The following PCDHGA10 variants were observed in gnomAD, a reference collection of about 807,000 sequenced individuals.
The protein encoded by PCDHGA10 is protocadherin gamma-A10.
A neutral mutation model predicts 59.5 loss-of-function variants in PCDHGA10; 42 were observed. The observed-to-expected ratio is 0.71, with a 90% CI of 0.55 to 0.91. The LOEUF (loss-of-function observed/expected upper bound fraction) is 0.91. PCDHGA10 is among the 40% of genes least tolerant of loss of function. The pLI, the probability that PCDHGA10 is intolerant of heterozygous loss-of-function variation, is 0.00. For missense variants in PCDHGA10, 1,111 were observed against 1,198.2 expected, an observed-to-expected ratio of 0.93 and a Z score of 1.07; for synonymous variants, 511 against 517.2, an observed-to-expected ratio of 0.99 and a Z score of 0.16.
At chr5:141,456,051 C>T (rs1592410743) in intron 1 of PCDHGA10, among the ~76,000 whole-genome samples, 1 of 151,998 alleles carries the variant, frequency 6.6e-6, no homozygotes, top group Non-Finnish European at 1.5e-5. Context: ...GCGCCCACCA[C>T]CACGTCCGGC....
intron 1 of PCDHGA10, among the ~76,000 whole-genome samples, chr5:141,450,485 T>A (rs1382219564): frequency 6.6e-6 from 1 of 152,160 alleles, no homozygotes; most frequent in Non-Finnish European, 1.5e-5. Flanking sequence ...GTTTGTTTGT[T>A]TGTCTGTTTG....
chr5:141,469,517 G>A (rs1416478511), intron 1 of PCDHGA10, among the ~76,000 whole-genome samples: 1 of 152,198 alleles, frequency 6.6e-6, no homozygotes, highest in Non-Finnish European at 1.5e-5. Flanking sequence ...GGAGGTTGCA[G>A]TGAGCCAAGA....
intron 1 of PCDHGA10, among the ~76,000 whole-genome samples, chr5:141,453,710 A>C (rs988115758): frequency 3.9e-5 from 6 of 152,242 alleles, no homozygotes; most frequent in African/African-American, 1.4e-4. Context: ...GAACAGTTTC[A>C]CTATAAAAAT....
At chr5:141,481,838 T>G (rs1297962011) in intron 1 of PCDHGA10, among the ~76,000 whole-genome samples, 2 of 150,868 alleles carry the variant, frequency 1.3e-5, no homozygotes, top group African/African-American at 4.9e-5. Flanking sequence ...GGAGAATCGC[T>G]TGATGGTGGA....
At chr5:141,469,126 A>T (rs2099191838) in intron 1 of PCDHGA10, among the ~76,000 whole-genome samples, 1 of 151,470 alleles carries the variant, frequency 6.6e-6, no homozygotes, top group African/African-American at 2.4e-5. Context: ...AAATTTAAAA[A>T]TTAGCCAGAA....
intron 1 of PCDHGA10, chr5:141,433,047 C>G: frequency 1.9e-6 from 3 of 1,614,164 alleles, no homozygotes; most frequent in Non-Finnish European, 2.5e-6. Context: ...ACCACGGACT[C>G]GCGGAAGAGT....
Position 141,431,706 on chromosome 5 carries a change from A to T in PCDHGA10, c.2436+16095A>T. The T allele has an allele frequency of 6.2e-7, 1 of 1,614,248 alleles. No homozygotes were observed. The highest frequency in any genetic ancestry group is 8.5e-7 in the Non-Finnish European group (1 of 1,180,048). On this transcript the variant is annotated intron_variant, in intron 1 of 3. Coordinates refer to ENST00000398610, the MANE Select transcript of PCDHGA10 (RefSeq NM_018913.3). The surrounding 1 kb of genome is among the most constrained non-coding windows in gnomAD (Gnocchi z 4.8). ...GACCACGAGGAGTCAGGATTCTACC[A>T]GATGGAAGTGCAAGCAATGGATAAT...
chr5:141,438,623 TATATATATATATACACAC>T (rs1435936123), intron 1 of PCDHGA10, among the ~76,000 whole-genome samples: 532 of 42,826 alleles, frequency 0.012, 5 homozygotes, highest in African/African-American at 0.075. Flanking sequence ...TATATATATA[TATATATATATATACACAC>T]ACACACACAC....
intron 1 of PCDHGA10, among the ~76,000 whole-genome samples, chr5:141,459,324 T>G (rs2098966238): frequency 6.6e-6 from 1 of 152,226 alleles, no homozygotes; most frequent in African/African-American, 2.4e-5. Flanking sequence ...ATCCATCTTC[T>G]TTTACTCCAA....
intron 1 of PCDHGA10, among the ~76,000 whole-genome samples, chr5:141,466,121 CA>C (rs908379481): frequency 4.8e-5 from 7 of 146,852 alleles, no homozygotes; most frequent in Non-Finnish European, 6.0e-5. Context: ...GACTCCAGCT[CA>C]AAAAAAAAAT....
intron 1 of PCDHGA10, among the ~76,000 whole-genome samples, chr5:141,451,387 T>C (rs1039738460): frequency 6.6e-6 from 1 of 152,116 alleles, no homozygotes; most frequent in African/African-American, 2.4e-5. Flanking sequence ...TCTCACATAG[T>C]TAATGGCAAA....
Position 141,512,160 on chromosome 5 carries a change from G to A in PCDHGA10, c.*987G>A, listed in dbSNP as rs1227447365. On this transcript the variant is annotated 3_prime_UTR_variant, in exon 4 of 4. Coordinates refer to ENST00000398610, the MANE Select transcript of PCDHGA10 (RefSeq NM_018913.3). ...CAGCCAGCTTTGGGCTGAGCTAACA[G>A]GACCAATGGATTAAACTGGCATTTC... 1 of 152,730 alleles carries A rather than the reference G, an allele frequency of 6.5e-6. No individual in the cohort carries two copies. Among genetic ancestry groups the A allele is most frequent in the African/African-American group, 2.4e-5 (1 of 41,456 alleles). The allele number at this position is 152,730 out of a possible 1,614,324, so 9.5% of individuals were successfully genotyped here.
chr5:141,502,003 G>A (rs945565369), intron 2 of PCDHGA10, among the ~76,000 whole-genome samples: 17 of 151,966 alleles, frequency 1.1e-4, no homozygotes, highest in Admixed American at 1.1e-3. Flanking sequence ...CTGACAACCC[G>A]CATGCTCTCC....
At chr5:141,415,754 T>C in intron 1 of PCDHGA10, 143 bp downstream of exon 1, 3 of 1,385,738 alleles carry the variant, frequency 2.2e-6, no homozygotes, top group South Asian at 1.7e-5. Context: ...TTTTTTTTTT[T>C]TTTTTTTTTT....
chr5:141,489,211 A>G lies in PCDHGA10; in HGVS notation c.2437-5596A>G, dbSNP rs1206929838. On this transcript the variant is annotated intron_variant, in intron 1 of 3. Coordinates refer to ENST00000398610, the MANE Select transcript of PCDHGA10 (RefSeq NM_018913.3). This position sits in a 1 kb window ranked among gnomAD's most constrained non-coding sequence, Gnocchi z 4.5. The stretch of plus-strand genomic sequence containing the variant: ...CTACCTTGGAGACAGGACAGCACAG[A>G]CTTACTCTCCACAAAGGGACTTCTG... 2 of 1,462,498 alleles carry G rather than the reference A, an allele frequency of 1.4e-6. No individual in the cohort carries two copies. Among genetic ancestry groups the G allele is most frequent in the Non-Finnish European group, 1.8e-6 (2 of 1,081,560 alleles). The allele number at this position is 1,462,498 out of a possible 1,614,324, so 90.6% of individuals were successfully genotyped here. A position where few individuals can be genotyped will look rare whatever the true frequency, so the allele number is the denominator to read the frequency against.
At position 141,421,932 on chromosome 5, in the gene PCDHGA10, T is replaced by C. The variant is rs747598404; in HGVS notation, c.2436+6321T>C. On this transcript the variant is annotated intron_variant, in intron 1 of 3. Transcript: ENST00000398610. The stretch of plus-strand genomic sequence containing the variant: ...TTCCCATTCGTGTGGTGGTCCTCGA[T>C]GTAAATGATCACATCCCAATGTTTA... 3 of 1,613,588 alleles carry C rather than the reference T, an allele frequency of 1.9e-6. No individual in the cohort carries two copies. The East Asian group carries it at 6.7e-5, about 36-fold the overall frequency.
In PCDHGA10 at chr5:141,489,984, T is replaced by C; in HGVS notation, c.2437-4823T>C. The C allele has an allele frequency of 1.2e-6, 2 of 1,614,212 alleles. No homozygotes were observed. Among genetic ancestry groups the C allele is most frequent in the South Asian group, 1.1e-5 (1 of 91,090 alleles). ...CAACCTTCCAATCCTCAGTTCTACG[T>C]GTGGGAATCCCAGAGAATGCACCCA... On this transcript the variant is annotated intron_variant, in intron 1 of 3. Transcript: ENST00000398610. The surrounding 1 kb of genome is among the most constrained non-coding windows in gnomAD (Gnocchi z 4.5).
intron 1 of PCDHGA10, among the ~76,000 whole-genome samples, chr5:141,454,731 G>T (rs1249851832): frequency 6.7e-6 from 1 of 150,262 alleles, no homozygotes; most frequent in Non-Finnish European, 1.5e-5. Context: ...ATATGTTATA[G>T]GATGAAAAGA....
chr5:141,443,167 C>T (rs745545091), intron 1 of PCDHGA10, among the ~76,000 whole-genome samples: 4 of 152,084 alleles, frequency 2.6e-5, no homozygotes, highest in Non-Finnish European at 5.9e-5. Flanking sequence ...TTTCCCTACC[C>T]ATGTCCACTG....
Sources: gnomAD v4.1 joint callset for allele counts (sites outside exome capture counted in the v4.1 genomes callset) on GRCh38, gnomAD v4.1.1 for gene constraint, Gnocchi (gnomAD v3.1) non-coding constraint, MANE v1.5 for transcripts, NCBI Gene and HGNC (gene_info 2026-07-23, HGNC 2026-07-21) for gene names.